Variants in ZNF407 observed in about 807,000 individuals in gnomAD.
ZNF407 encodes the protein zinc finger protein 407.
Under a neutral mutation model 131.2 loss-of-function variants are expected in ZNF407, and 17 were observed. That is an observed-to-expected ratio of 0.13 (90% CI 0.09 to 0.19). The LOEUF (loss-of-function observed/expected upper bound fraction) is 0.19, where lower values mean the gene tolerates loss of function less well. ZNF407 is among the 10% of genes least tolerant of loss of function. ZNF407 has a pLI of 1.00. For missense variants in ZNF407, 2,681 were observed against 2,830.6 expected, an observed-to-expected ratio of 0.95 and a Z score of 1.20; for synonymous variants, 1,156 against 1,062.0, an observed-to-expected ratio of 1.09 and a Z score of -1.72.
intron 3 of ZNF407, among the ~76,000 whole-genome samples, chr18:74,755,582 G>GTTTTTTTTTTTTTTTTTT (rs541126314): frequency 6.9e-5 from 6 of 87,336 alleles, no homozygotes; most frequent in African/African-American, 2.8e-4. Flanking sequence ...CTCCTTTCTG[G>GTTTTTTTTTTTTTTTTTT]TTTTTTTTTT....
At chr18:74,729,928 T>A (rs1487301880) in intron 3 of ZNF407, among the ~76,000 whole-genome samples, 1 of 152,244 alleles carries the variant, frequency 6.6e-6, no homozygotes, top group African/African-American at 2.4e-5. Context: ...CATTATATAG[T>A]CAATAACTTG....
At chr18:74,725,937 A>G (rs1201232730) in intron 3 of ZNF407, among the ~76,000 whole-genome samples, 2 of 151,944 alleles carry the variant, frequency 1.3e-5, no homozygotes, top group African/African-American at 4.8e-5. Context: ...TTTTGCTTGG[A>G]TTCTATTATG....
At chr18:74,727,971 G>A (rs1275363663) in intron 3 of ZNF407, among the ~76,000 whole-genome samples, 1 of 152,152 alleles carries the variant, frequency 6.6e-6, no homozygotes, top group African/African-American at 2.4e-5. Context: ...TCAGTGTGCT[G>A]GGGAGAAGGA....
chr18:75,035,556 A>G (rs1303243845), intron 8 of ZNF407, among the ~76,000 whole-genome samples: 1 of 152,254 alleles, frequency 6.6e-6, no homozygotes, highest in African/African-American at 2.4e-5. Flanking sequence ...ATCACATCCA[A>G]TAAACAGAAT....
chr18:74,922,776 G>A (rs180833143), intron 8 of ZNF407, among the ~76,000 whole-genome samples: 2 of 152,136 alleles, frequency 1.3e-5, no homozygotes, highest in African/African-American at 4.8e-5. Context: ...ATTCCTTATC[G>A]AAGAGTCTAG....
chr18:74,913,333 A>G (rs898990837), intron 7 of ZNF407, among the ~76,000 whole-genome samples: 1 of 152,218 alleles, frequency 6.6e-6, no homozygotes, highest in African/African-American at 2.4e-5. Flanking sequence ...TCAGTTAGAT[A>G]GAATAGGTTG....
At position 74,870,439 on chromosome 18, in the gene ZNF407, C is replaced by T. The variant is rs144553743; in HGVS notation, c.4878-6758C>T. ...CCCTCAGGGGAGGTTTTTCAACTTT[C>T]GTCTTGAAGCCACACTAGAGCCTTA... On this transcript the variant is annotated intron_variant, in intron 4 of 8. Coordinates refer to ENST00000299687, the MANE Select transcript of ZNF407 (RefSeq NM_017757.3). Among the ~76,000 whole-genome samples, 600 of 152,218 alleles carry T rather than the reference C, an allele frequency of 3.9e-3. 4 individuals carry two copies. The highest frequency in any genetic ancestry group is 0.013 in the African/African-American group (544 of 41,514).
intron 4 of ZNF407, among the ~76,000 whole-genome samples, chr18:74,873,481 C>A (rs73476404): frequency 0.019 from 2,873 of 152,202 alleles, 65 homozygotes; most frequent in East Asian, 0.068. Flanking sequence ...AAAAAAACAA[C>A]GCACATAGTA....
At chr18:74,627,788 C>G (rs1335119198) in intron 1 of ZNF407, among the ~76,000 whole-genome samples, 1 of 108,706 alleles carries the variant, frequency 9.2e-6, no homozygotes, top group Non-Finnish European at 2.1e-5. Context: ...TTCTCTCTCT[C>G]TCTCTCTTTC....
At chr18:74,716,057 A>G (rs1372658785) in intron 3 of ZNF407, among the ~76,000 whole-genome samples, 2 of 152,216 alleles carry the variant, frequency 1.3e-5, no homozygotes, top group Non-Finnish European at 2.9e-5. Context: ...TAGAGTAGGG[A>G]ACTTAGAGAC....
Position 74,635,809 on chromosome 18 carries a change from G to C in ZNF407, c.4687+103G>C, listed in dbSNP as rs541938835. 1.3e-4 allele frequency: 195 copies of C among 1,464,502 alleles called. 1 individual carries two copies. The highest frequency in any genetic ancestry group is 1.1e-3 in the Admixed American group (47 of 42,952). 90.7% of individuals were successfully genotyped at this position (1,464,502 alleles called of 1,614,324 possible). On this transcript the variant is annotated intron_variant, in intron 2 of 8. Transcript: ENST00000299687. The surrounding 1 kb of genome is among the most constrained non-coding windows in gnomAD (Gnocchi z 4.7). The stretch of plus-strand genomic sequence containing the variant: ...TGGCTGCTCATTGGCTTTCCACCCG[G>C]TTCACATTTCACTGCCGTGTGCTGC...
chr18:74,760,359 T>C (rs1969067209), intron 3 of ZNF407, among the ~76,000 whole-genome samples: 1 of 152,204 alleles, frequency 6.6e-6, no homozygotes, highest in Non-Finnish European at 1.5e-5. Flanking sequence ...ATTATTACCT[T>C]TTCAGATTTC....
chr18:75,007,230 C>CTCTTA (rs10660833), intron 8 of ZNF407, among the ~76,000 whole-genome samples: 112,812 of 151,378 alleles, frequency 0.75, 43,133 homozygotes, highest in Non-Finnish European at 0.83. Context: ...ATTTCTATTT[C>CTCTTA]TCTTTTCTGT....
chr18:74,755,338 A>G (rs954397538), intron 3 of ZNF407, among the ~76,000 whole-genome samples: 6 of 151,982 alleles, frequency 3.9e-5, no homozygotes, highest in Non-Finnish European at 5.9e-5. Context: ...GATTTAGCCC[A>G]TTTACATTTA....
chr18:74,949,159 A>G (rs1568280169), intron 8 of ZNF407, among the ~76,000 whole-genome samples: 1 of 152,240 alleles, frequency 6.6e-6, no homozygotes, highest in Admixed American at 6.5e-5. Context: ...CAGTAGGTAC[A>G]TTTCTTTCTG....
At chr18:74,650,471 A>G (rs1159162965) in intron 3 of ZNF407, among the ~76,000 whole-genome samples, 2 of 152,166 alleles carry the variant, frequency 1.3e-5, no homozygotes, top group Non-Finnish European at 2.9e-5. Flanking sequence ...GAAACGGAGC[A>G]CCTTTCTGCA....
At chr18:74,936,758 A>G (rs955719060) in intron 8 of ZNF407, among the ~76,000 whole-genome samples, 1 of 152,226 alleles carries the variant, frequency 6.6e-6, no homozygotes, top group Non-Finnish European at 1.5e-5. Context: ...ACAGGAAGAT[A>G]CCATCCCATT....
rs753731199 is a variant in ZNF407 at position 74,692,348 on chromosome 18, C to T, written c.4802+51226C>T. On this transcript the variant is annotated intron_variant, in intron 3 of 8. Transcript: ENST00000299687. ...TTCATCAGTGCAGGAGCTGGTGTTCCAGCTGTTTTTCTCCGTGTTATTGGT... is the reference window on the plus strand; with the variant it reads ...TTCATCAGTGCAGGAGCTGGTGTTCTAGCTGTTTTTCTCCGTGTTATTGGT... 5.3e-4 allele frequency among the ~76,000 whole-genome samples: 81 copies of T among 152,070 alleles called. 1 individual carries two copies. The highest frequency in any genetic ancestry group is 1.1e-3 in the Non-Finnish European group (73 of 68,004).
intron 8 of ZNF407, among the ~76,000 whole-genome samples, chr18:74,986,622 G>A (rs1013727459): frequency 1.3e-5 from 2 of 152,070 alleles, no homozygotes; most frequent in Non-Finnish European, 2.9e-5. Flanking sequence ...ACTACAGTGT[G>A]GTTTCGAAAA....
Sources: gnomAD v4.1 joint callset for allele counts (sites outside exome capture counted in the v4.1 genomes callset) on GRCh38, gnomAD v4.1.1 for gene constraint, Gnocchi (gnomAD v3.1) non-coding constraint, MANE v1.5 for transcripts, NCBI Gene and HGNC (gene_info 2026-07-23, HGNC 2026-07-21) for gene names.